Variants in FBXW10 observed in about 807,000 individuals in gnomAD.
FBXW10 encodes F-box and WD repeat domain containing 10.
Under a neutral mutation model 113.1 loss-of-function variants are expected in FBXW10, and 68 were observed. The ratio of observed to expected loss-of-function variants is 0.60; its 90% CI spans 0.49 to 0.74. The LOEUF is 0.74. FBXW10 is among the 30% of genes least tolerant of loss of function. The probability of loss-of-function intolerance (pLI) is 0.00; values close to 1 mark genes in which losing one functional copy is unlikely to be tolerated. For missense variants in FBXW10, 753 were observed against 1,284.5 expected, an observed-to-expected ratio of 0.59 and a Z score of 6.32; for synonymous variants, 289 against 481.6, an observed-to-expected ratio of 0.60 and a Z score of 5.24.
chr17:18,772,720 CCA>C (rs762114335), intron 12 of FBXW10, 37 bp downstream of exon 12: 5 of 1,583,252 alleles, frequency 3.2e-6, no homozygotes, highest in Non-Finnish European at 4.3e-6. Context: ...CAGTGATAAC[CCA>C]CAGAGCAGGT....
chr17:18,772,338 G>A (rs1053670673), intron 11 of FBXW10, 74 bp from the exon 12 acceptor site: 1 of 1,388,542 alleles, frequency 7.2e-7, no homozygotes, highest in African/African-American at 1.4e-5. Flanking sequence ...AGACCAGGTG[G>A]GATGGTAACT....
At chr17:18,775,815 G>A (rs1363802534) in intron 13 of FBXW10, among the ~76,000 whole-genome samples, 1 of 152,052 alleles carries the variant, frequency 6.6e-6, no homozygotes, top group Non-Finnish European at 1.5e-5. Flanking sequence ...ATTCCTTAAG[G>A]CCAGGAGTCT....
chr17:18,747,223 G>A (rs2035055985), intron 1 of FBXW10, among the ~76,000 whole-genome samples: 3 of 152,022 alleles, frequency 2.0e-5, no homozygotes, highest in African/African-American at 7.3e-5. Context: ...ATCACGCCGG[G>A]CCAACAACCT....
At chr17:18,748,903 T>C (rs2035098757) in intron 2 of FBXW10, among the ~76,000 whole-genome samples, 1 of 152,130 alleles carries the variant, frequency 6.6e-6, no homozygotes, top group African/African-American at 2.4e-5. Context: ...CACTCCAAAG[T>C]TGGGAACTGA....
At chr17:18,776,795 C>T (rs1318200472) in intron 13 of FBXW10, among the ~76,000 whole-genome samples, 1 of 151,944 alleles carries the variant, frequency 6.6e-6, no homozygotes, top group Non-Finnish European at 1.5e-5. Flanking sequence ...TCTAGGTTGA[C>T]CATTAACAAA....
At chr17:18,764,153 G>A (rs1389650003) in intron 7 of FBXW10, among the ~76,000 whole-genome samples, 2 of 142,312 alleles carry the variant, frequency 1.4e-5, no homozygotes, top group Non-Finnish European at 3.0e-5. Context: ...GACAATCACT[G>A]TATTAGTCCA....
chr17:18,750,519 T>A (rs9898823), intron 4 of FBXW10, among the ~76,000 whole-genome samples: 85,101 of 141,342 alleles, frequency 0.6, 24,277 homozygotes, highest in African/African-American at 0.69. Context: ...GCTGCAAAGT[T>A]TTTTTTTAAG....
In FBXW10 at chr17:18,766,729, C is replaced by T; in HGVS notation, c.1571C>T (p.Thr524Ile). Residue 524 changes from threonine to isoleucine, a missense_variant, in exon 9 of 14, where the codon ACA becomes ATA. Physicochemically the swap from Thr to Ile is moderately conservative, Grantham distance 89. Transcript: ENST00000395665. ...TCCTGTTCAGTATGGGATGTAGACA[C>T]AGGGAAGTGCCTGAAGACGTTTAGA... Reference protein sequence around the residue: ...DCQVKVWDVDTGKCLKTFRHK... With the variant: ...DCQVKVWDVDIGKCLKTFRHK... 1 of 1,613,742 alleles carries T rather than the reference C, an allele frequency of 6.2e-7. No individual in the cohort carries two copies. The highest frequency in any genetic ancestry group is 8.5e-7 in the Non-Finnish European group (1 of 1,179,734).
At chr17:18,761,768 A>C (rs995112939) in intron 7 of FBXW10, among the ~76,000 whole-genome samples, 9 of 152,182 alleles carry the variant, frequency 5.9e-5, no homozygotes, top group African/African-American at 2.2e-4. Context: ...GTGTATTTTT[A>C]CTTAATGCCT....
At chr17:18,773,114 G>A (rs1238384665) in intron 12 of FBXW10, among the ~76,000 whole-genome samples, 1 of 151,130 alleles carries the variant, frequency 6.6e-6, no homozygotes, top group African/African-American at 2.4e-5. Flanking sequence ...TTTTTTTTTA[G>A]TAGAGATGGG....
chr17:18,773,752 G>C (rs1345967857), intron 12 of FBXW10, among the ~76,000 whole-genome samples: 2 of 152,220 alleles, frequency 1.3e-5, no homozygotes, highest in Non-Finnish European at 1.5e-5. Context: ...AGTAGGAAAA[G>C]TGGGTGGGAG....
chr17:18,777,167 T>C (rs951370859), intron 13 of FBXW10, among the ~76,000 whole-genome samples: 3 of 151,244 alleles, frequency 2.0e-5, no homozygotes, highest in African/African-American at 7.3e-5. Context: ...GTTCAAGCGA[T>C]TCTCCTGCCT....
At chr17:18,752,059 G>A (rs1179558044) in intron 5 of FBXW10, among the ~76,000 whole-genome samples, 1 of 152,184 alleles carries the variant, frequency 6.6e-6, no homozygotes, top group Non-Finnish European at 1.5e-5. Context: ...TGGTTTGACT[G>A]TCGCTTCCCA....
At chr17:18,760,637 C>T (rs1263169862) in intron 7 of FBXW10, among the ~76,000 whole-genome samples, 4 of 152,146 alleles carry the variant, frequency 2.6e-5, no homozygotes, top group Non-Finnish European at 5.9e-5. Context: ...AACCCCGTCT[C>T]TACTAAAAAT....
intron 2 of FBXW10, among the ~76,000 whole-genome samples, chr17:18,749,314 G>A (rs370173787): frequency 6.6e-6 from 1 of 151,898 alleles, no homozygotes. Flanking sequence ...CGAGGCGGGC[G>A]GATCACACGG....
In FBXW10 at chr17:18,748,093, G is replaced by A; in HGVS notation, c.658G>A (p.Ala220Thr). Residue 220 changes from alanine to threonine, a missense_variant, in exon 2 of 14, where the codon GCA (alanine) becomes ACA (threonine). By Grantham distance (58) the Ala-to-Thr change is moderately conservative. Coordinates refer to ENST00000395665, the MANE Select transcript of FBXW10 (RefSeq NM_001267585.2). ...AGAAAATGAACACTTGCTTGGGGCA[G>A]CATCTAACCCTGGTAAGTGAACTTT... The part of the protein sequence containing the change: ...APENEHLLGA[A>T]SNPEEPWRNS... The A allele has an allele frequency of 6.2e-7, 1 of 1,613,902 alleles. No homozygotes were observed. The highest frequency in any genetic ancestry group is 8.5e-7 in the Non-Finnish European group (1 of 1,179,858).
chr17:18,778,240 G>A (rs1322545057), intron 13 of FBXW10, among the ~76,000 whole-genome samples: 1 of 152,166 alleles, frequency 6.6e-6, no homozygotes, highest in African/African-American at 2.4e-5. Context: ...GTGACAGAGC[G>A]AGACTCCGTC....
intron 8 of FBXW10, among the ~76,000 whole-genome samples, chr17:18,765,893 ATT>A (rs751234040): frequency 2.8e-5 from 4 of 143,336 alleles, no homozygotes; most frequent in Non-Finnish European, 4.6e-5. Flanking sequence ...CGCCCAGCTA[ATT>A]TTTTTTTTTT....
chr17:18,772,781 G>A (rs2035640755), intron 12 of FBXW10, 98 bp downstream of exon 12: 4 of 1,085,250 alleles, frequency 3.7e-6, no homozygotes, highest in Non-Finnish European at 5.4e-6. Flanking sequence ...GTTCGTTTGT[G>A]GAATATTTTG....
Sources: allele counts gnomAD v4.1 joint callset (sites outside exome capture counted in the v4.1 genomes callset), GRCh38; gene constraint gnomAD v4.1.1; transcripts MANE v1.5; gene names NCBI Gene and HGNC (gene_info 2026-07-23, HGNC 2026-07-21).